EHBP1: variants seen among roughly 807,000 people sequenced by gnomAD.
The protein encoded by EHBP1 is EH domain binding protein 1.
A neutral mutation model predicts 144.0 loss-of-function variants in EHBP1; 55 were observed. The ratio of observed to expected loss-of-function variants is 0.38; its 90% CI spans 0.31 to 0.48. The LOEUF (loss-of-function observed/expected upper bound fraction) is 0.48. EHBP1 is among the 20% of genes least tolerant of loss of function. EHBP1 has a pLI of 0.98. For missense variants in EHBP1, 1,200 were observed against 1,364.2 expected, an observed-to-expected ratio of 0.88 and a Z score of 1.90; for synonymous variants, 469 against 472.7, an observed-to-expected ratio of 0.99 and a Z score of 0.10.
intron 5 of EHBP1, among the ~76,000 whole-genome samples, chr2:62,798,307 G>A (rs1231197139): frequency 1.3e-5 from 2 of 152,116 alleles, no homozygotes; most frequent in Admixed American, 6.5e-5. Flanking sequence ...GGCAGAGGTT[G>A]CAGTGAGCTG....
In EHBP1 at chr2:63,035,923, AAG is replaced by A. The variant is rs1574568851; in HGVS notation, c.3104-1606_3104-1605del. ...GTGAATACAAAACCAGCTACCCTAA[AAG>A]AGAGATTAAAAATACTGTAAAACAA... On this transcript the variant is annotated intron_variant, in intron 19 of 22. Transcript: ENST00000431489. 6.6e-5 allele frequency among the ~76,000 whole-genome samples: 10 copies of A among 152,192 alleles called. 1 individual carries two copies. The South Asian group carries it at 2.1e-3, about 32-fold the overall frequency.
intron 14 of EHBP1, among the ~76,000 whole-genome samples, chr2:62,971,851 A>G (rs1227401753): frequency 6.6e-6 from 1 of 152,192 alleles, no homozygotes; most frequent in African/African-American, 2.4e-5. Context: ...GAAACCCTCC[A>G]AAGAGTACAC....
At chr2:62,901,022 ACAC>A (rs1558882098) in intron 10 of EHBP1, among the ~76,000 whole-genome samples, 1 of 152,170 alleles carries the variant, frequency 6.6e-6, no homozygotes, top group Non-Finnish European at 1.5e-5. Context: ...AAAGTCAACA[ACAC>A]TATATTTTAT....
intron 2 of EHBP1, among the ~76,000 whole-genome samples, chr2:62,734,609 A>G (rs971271311): frequency 2.6e-5 from 4 of 152,140 alleles, no homozygotes; most frequent in African/African-American, 4.8e-5. Flanking sequence ...ACCTCTGACA[A>G]TCTTTTAATT....
At chr2:62,877,714 A>G (rs2051010534) in intron 10 of EHBP1, among the ~76,000 whole-genome samples, 1 of 152,194 alleles carries the variant, frequency 6.6e-6, no homozygotes, top group Non-Finnish European at 1.5e-5. Context: ...CATGTTGGAA[A>G]TTAACCTGCT....
chr2:62,732,059 C>G (rs945907961), intron 2 of EHBP1, among the ~76,000 whole-genome samples: 1 of 152,096 alleles, frequency 6.6e-6, no homozygotes, highest in African/African-American at 2.4e-5. Context: ...GGACCCCACA[C>G]TTTTGTGAGT....
intron 5 of EHBP1, among the ~76,000 whole-genome samples, chr2:62,822,822 TG>T (rs1339195108): frequency 6.6e-6 from 1 of 152,204 alleles, no homozygotes; most frequent in Non-Finnish European, 1.5e-5. Flanking sequence ...GAATAAGTGC[TG>T]GTGCTACAGT....
At chr2:62,879,590 C>CACACAGAG (rs1453595274) in intron 10 of EHBP1, among the ~76,000 whole-genome samples, 1 of 139,204 alleles carries the variant, frequency 7.2e-6, no homozygotes, top group African/African-American at 2.7e-5. Context: ...CACACACACA[C>CACACAGAG]AGAGACAGAG....
At chr2:62,771,559 T>C (rs1183598019) in intron 5 of EHBP1, 167 bp downstream of exon 5, 1 of 523,098 alleles carries the variant, frequency 1.9e-6, no homozygotes, top group East Asian at 3.2e-5. Context: ...GTAACAAAAT[T>C]ATTTGTAAGA....
At chr2:62,890,876 A>G (rs2052403099) in intron 10 of EHBP1, among the ~76,000 whole-genome samples, 1 of 152,242 alleles carries the variant, frequency 6.6e-6, no homozygotes, top group African/African-American at 2.4e-5. Flanking sequence ...GTCAATAACA[A>G]AACAGTAATT....
At chr2:62,826,883 G>A (rs902054304) in intron 6 of EHBP1, among the ~76,000 whole-genome samples, 1 of 152,118 alleles carries the variant, frequency 6.6e-6, no homozygotes, top group Non-Finnish European at 1.5e-5. Context: ...ACAAAGCGGG[G>A]AAAAAAGTAA....
At chr2:62,940,088 A>G (rs2056651566) in intron 10 of EHBP1, 2 of 435,998 alleles carry the variant, frequency 4.6e-6, no homozygotes, top group East Asian at 6.5e-5. Context: ...TGAAAGGACC[A>G]GTTGGGATGC....
chr2:63,013,361 G>T (rs2060348620), intron 19 of EHBP1, among the ~76,000 whole-genome samples: 1 of 152,124 alleles, frequency 6.6e-6, no homozygotes, highest in African/African-American at 2.4e-5. Context: ...CATATTAAAG[G>T]TATGCATTAA....
At chr2:62,992,371 AAT>A (rs1378559503) in intron 16 of EHBP1, among the ~76,000 whole-genome samples, 7 of 152,186 alleles carry the variant, frequency 4.6e-5, no homozygotes, top group African/African-American at 1.4e-4. Flanking sequence ...AAAAAAATAA[AAT>A]AGTGTTATTT....
intron 5 of EHBP1, among the ~76,000 whole-genome samples, chr2:62,823,322 T>A (rs1216982930): frequency 6.6e-6 from 1 of 152,120 alleles, no homozygotes; most frequent in East Asian, 1.9e-4. Context: ...AGCACTCACT[T>A]TTGTATTGAC....
intron 2 of EHBP1, among the ~76,000 whole-genome samples, chr2:62,741,467 T>G (rs993846919): frequency 6.6e-6 from 1 of 152,202 alleles, no homozygotes; most frequent in Non-Finnish European, 1.5e-5. Flanking sequence ...GAGACAAATG[T>G]CCTTGCCTCA....
Position 63,026,450 on chromosome 2 carries a change from A to C in EHBP1, c.3104-11085A>C, listed in dbSNP as rs149781433. 8.3e-4 allele frequency among the ~76,000 whole-genome samples: 126 copies of C among 152,248 alleles called. 1 individual carries two copies. The highest frequency in any genetic ancestry group is 2.8e-3 in the African/African-American group (118 of 41,550). ...AGCCTGGCACTATTCTAAGTGCTTT[A>C]CATATTTGAATTCATTTAGTCTTCA... On this transcript the variant is annotated intron_variant, in intron 19 of 22. Coordinates refer to ENST00000431489, the MANE Select transcript of EHBP1 (RefSeq NM_001142616.3).
intron 5 of EHBP1, among the ~76,000 whole-genome samples, chr2:62,776,040 T>G (rs1389998157): frequency 6.6e-6 from 1 of 152,208 alleles, no homozygotes; most frequent in African/African-American, 2.4e-5. Flanking sequence ...TAATTATTGT[T>G]TATATACAGT....
intron 7 of EHBP1, among the ~76,000 whole-genome samples, chr2:62,839,554 C>T (rs1329672165): frequency 6.7e-6 from 1 of 149,608 alleles, no homozygotes; most frequent in Non-Finnish European, 1.5e-5. Context: ...GTCAAATTGT[C>T]CCTGTTTGCA....
Sources: gnomAD v4.1 joint callset for allele counts (sites outside exome capture counted in the v4.1 genomes callset) on GRCh38, gnomAD v4.1.1 for gene constraint, MANE v1.5 for transcripts, NCBI Gene and HGNC (gene_info 2026-07-23, HGNC 2026-07-21) for gene names.